The following SLCO2A1 variants were observed in gnomAD, a reference collection of about 807,000 sequenced individuals.
SLCO2A1 encodes matrin F/G 1.
In SLCO2A1, 60 loss-of-function variants were observed where a neutral mutation model predicts 71.7. That is an observed-to-expected ratio of 0.84 (90% CI 0.68 to 1.04). The LOEUF (loss-of-function observed/expected upper bound fraction) is 1.04, where lower values mean the gene tolerates loss of function less well. Among genes scored for constraint, SLCO2A1 ranks in the 50% least tolerant of loss-of-function variants. The pLI is 0.00. For synonymous variants in SLCO2A1, 308 were observed against 326.7 expected (o/e 0.94, Z 0.62); for missense variants, 745 against 813.4 (o/e 0.92, Z 1.02).
In SLCO2A1 at chr3:134,029,789, G is replaced by C. The variant is rs772740661; in HGVS notation, c.14C>G (p.Pro5Arg). MGLL[P>R]KLGASQGSDT... ...GCTGCCCTGGGACGCGCCGAGCTTGGGCAGGAGCCCCATGGCTGCGGGCGG... is the reference window on the plus strand; with the variant it reads ...GCTGCCCTGGGACGCGCCGAGCTTGCGCAGGAGCCCCATGGCTGCGGGCGG... The change falls in exon 1 of 14, where the codon CCC becomes CGC. Residue 5 changes from proline to arginine, a missense_variant. Physicochemically the swap from Pro to Arg is moderately radical, Grantham distance 103 (BLOSUM62 -2). Coordinates refer to ENST00000310926, the MANE Select transcript of SLCO2A1 (RefSeq NM_005630.3). The C allele has an allele frequency of 6.6e-7, 1 of 1,525,576 alleles. No homozygotes were observed. Among genetic ancestry groups the C allele is most frequent in the Non-Finnish European group, 8.8e-7 (1 of 1,142,194 alleles). 94.5% of individuals were successfully genotyped at this position (1,525,576 alleles called of 1,614,324 possible).
intron 1 of SLCO2A1, among the ~76,000 whole-genome samples, chr3:134,001,683 A>G (rs1006425342): frequency 6.6e-6 from 1 of 152,148 alleles, no homozygotes; most frequent in African/African-American, 2.4e-5. Context: ...GGTGAGAGTG[A>G]GGGGCTTCAG....
intron 1 of SLCO2A1, among the ~76,000 whole-genome samples, chr3:134,015,607 A>G (rs1299625110): frequency 2.0e-5 from 3 of 152,220 alleles, no homozygotes; most frequent in African/African-American, 7.2e-5. Context: ...ATAAAAAATG[A>G]TAGATAAGCG....
chr3:133,946,837 G>A (rs376207801), intron 9 of SLCO2A1, among the ~76,000 whole-genome samples: 6 of 152,142 alleles, frequency 3.9e-5, no homozygotes, highest in African/African-American at 9.7e-5. Context: ...AAAGTGGGCC[G>A]GGCGGGGTGG....
At chr3:134,008,335 C>T (rs1030183443) in intron 1 of SLCO2A1, among the ~76,000 whole-genome samples, 1 of 152,158 alleles carries the variant, frequency 6.6e-6, no homozygotes, top group African/African-American at 2.4e-5. Context: ...TATTCATTAT[C>T]GGATCTCCAG....
In SLCO2A1 at chr3:133,942,741, C is replaced by A. The variant is rs201991746; in HGVS notation, c.1489G>T (p.Gly497Trp). ...CCTGTCTTTGCTGAAGCGGATCCCC[C>A]GGTCACACAGCTGCAGTTCAAATAG... ...LIYLNCSCVT[G>W]GSASAKTGSC... The change falls in exon 11 of 14, where the codon GGG becomes TGG. Residue 497 changes from glycine (G) to tryptophan (W), a missense_variant. By Grantham distance (184) the Gly-to-Trp change is radical. Transcript: ENST00000310926. 1.9e-6 allele frequency: 3 copies of A among 1,608,568 alleles called. No homozygotes were observed. Among genetic ancestry groups the A allele is most frequent in the South Asian group, 2.2e-5 (2 of 89,860 alleles).
intron 3 of SLCO2A1, among the ~76,000 whole-genome samples, chr3:133,966,596 C>T (rs115055095): frequency 0.018 from 2,716 of 152,350 alleles, 49 homozygotes; most frequent in Non-Finnish European, 0.029. Flanking sequence ...CTTCTCTTTG[C>T]TGTTTCCCTC....
intron 3 of SLCO2A1, among the ~76,000 whole-genome samples, chr3:133,971,697 G>C (rs1934331166): frequency 1.3e-5 from 2 of 152,102 alleles, no homozygotes. Flanking sequence ...GCACCTCCCT[G>C]GGGGCTCATT....
At chr3:134,022,983 A>G (rs1303763439) in intron 1 of SLCO2A1, among the ~76,000 whole-genome samples, 3 of 152,144 alleles carry the variant, frequency 2.0e-5, no homozygotes, top group South Asian at 2.1e-4. Context: ...CACATGTACC[A>G]CCCCTAGAAT....
intron 7 of SLCO2A1, 22 bp from the exon 8 acceptor site, chr3:133,948,722 G>C: frequency 6.2e-7 from 1 of 1,610,112 alleles, no homozygotes; most frequent in Non-Finnish European, 8.5e-7. Context: ...CCGCTGTCAA[G>C]GCTCTGGCAG....
At chr3:133,965,322 G>A in intron 3 of SLCO2A1, among the ~76,000 whole-genome samples, 1 of 152,218 alleles carries the variant, frequency 6.6e-6, no homozygotes, top group East Asian at 1.9e-4. Context: ...TGGCTGGGGA[G>A]TCCTCAGGGA....
In SLCO2A1 at chr3:133,942,789, A is replaced by T. The variant is rs755179093; in HGVS notation, c.1462-21T>A. On this transcript the variant is annotated intron_variant, in intron 10 of 13. Transcript: ENST00000310926. ...TAGATCTTCAAGAGGAAGGGGAGGG[A>T]AAAAGGGGGAAATTTGTTATTATTT... 1.9e-6 allele frequency: 3 copies of T among 1,576,246 alleles called. No individual in the cohort carries two copies. In the African/African-American group the frequency reaches 4.1e-5, roughly 21 times the overall value.
At chr3:134,019,458 T>C (rs955511946) in intron 1 of SLCO2A1, among the ~76,000 whole-genome samples, 1 of 152,226 alleles carries the variant, frequency 6.6e-6, no homozygotes, top group Non-Finnish European at 1.5e-5. Context: ...ACGGAATTGG[T>C]GGAACAATTG....
At chr3:133,953,335 C>T (rs1384885574) in intron 5 of SLCO2A1, among the ~76,000 whole-genome samples, 1 of 152,238 alleles carries the variant, frequency 6.6e-6, no homozygotes, top group Admixed American at 6.5e-5. Flanking sequence ...CCGCACCCAG[C>T]CCATAGAAAT....
At position 134,010,023 on chromosome 3, in the gene SLCO2A1, T is replaced by C. The variant is rs1027745355; in HGVS notation, c.96+19684A>G. On this transcript the variant is annotated intron_variant, in intron 1 of 13. Transcript: ENST00000310926. The stretch of plus-strand genomic sequence containing the variant: ...TCAGTGTTTCTGAAAGGACCTACCC[T>C]TGTCCATATTATCTCAGTAAATTTG... Among the ~76,000 whole-genome samples, 3 of 152,212 alleles carry C rather than the reference T, an allele frequency of 2.0e-5. No individual in the cohort carries two copies. In the East Asian group the frequency reaches 5.8e-4, roughly 29 times the overall value.
At chr3:133,973,986 G>C (rs1037306864) in intron 2 of SLCO2A1, among the ~76,000 whole-genome samples, 161 bp from the exon 3 acceptor site, 1 of 152,186 alleles carries the variant, frequency 6.6e-6, no homozygotes, top group African/African-American at 2.4e-5. Flanking sequence ...TTTTCCCAGA[G>C]AGCTTCACAA....
intron 1 of SLCO2A1, among the ~76,000 whole-genome samples, chr3:133,998,120 G>A (rs1036401351): frequency 3.9e-5 from 6 of 152,108 alleles, no homozygotes; most frequent in African/African-American, 1.2e-4. Flanking sequence ...CATGCCATGG[G>A]ATCCCCTTGG....
intron 3 of SLCO2A1, 164 bp from the exon 4 acceptor site, chr3:133,955,357 C>T (rs2108046017): frequency 5.0e-6 from 3 of 604,420 alleles, no homozygotes; most frequent in Non-Finnish European, 5.8e-6. Context: ...GTCCTTCTGT[C>T]TGGCCAGCAG....
At chr3:133,970,788 A>G (rs749977015) in intron 3 of SLCO2A1, among the ~76,000 whole-genome samples, 9 of 152,198 alleles carry the variant, frequency 5.9e-5, no homozygotes, top group Non-Finnish European at 1.2e-4. Flanking sequence ...AAGAACTACA[A>G]AACAGCCCAC....
chr3:133,973,739 G>A lies in SLCO2A1; in HGVS notation c.321C>T (p.Phe107=), dbSNP rs760938431. ...TGAGGATGAAGGCACCTGCAGCCAG[G>A]AAGAGACCTCCGATGCCAATCAGAC... ...RPRLIGIGGL[F]LAAGAFILTL... The change falls in exon 3 of 14, where the codon TTC becomes TTT. Residue 107 remains phenylalanine, a synonymous_variant. Transcript: ENST00000310926. The A allele has an allele frequency of 1.6e-5, 26 of 1,614,016 alleles. No homozygotes were observed. In the East Asian group the frequency reaches 4.9e-4, roughly 30 times the overall value.
Sources: gnomAD v4.1 joint callset for allele counts (sites outside exome capture counted in the v4.1 genomes callset) on GRCh38, gnomAD v4.1.1 for gene constraint, MANE v1.5 for transcripts, NCBI Gene and HGNC (gene_info 2026-07-23, HGNC 2026-07-21) for gene names.